The following ZYG11B variants were observed in gnomAD, a reference collection of about 807,000 sequenced individuals.
The protein encoded by ZYG11B is zyg-11 family member B, cell cycle regulator.
A neutral mutation model predicts 82.4 loss-of-function variants in ZYG11B; 36 were observed. The ratio of observed to expected loss-of-function variants is 0.44; its 90% confidence interval spans 0.33 to 0.58. The LOEUF (loss-of-function observed/expected upper bound fraction) is 0.58, where lower values mean the gene tolerates loss of function less well. Ranked by LOEUF, ZYG11B falls within the 20% of genes least tolerant of loss-of-function variation. The pLI is 0.02. For missense variants in ZYG11B, 552 were observed against 895.6 expected, an observed-to-expected ratio of 0.62 and a Z score of 4.90; for synonymous variants, 303 against 312.8, an observed-to-expected ratio of 0.97 and a Z score of 0.33.
At chr1:52,759,323 C>T (rs1447146981) in intron 2 of ZYG11B, among the ~76,000 whole-genome samples, 1 of 152,116 alleles carries the variant, frequency 6.6e-6, no homozygotes, top group Non-Finnish European at 1.5e-5. Flanking sequence ...ATTGGGTTAT[C>T]CTTTGGAAAT....
chr1:52,729,938 G>A (rs185280432), intron 1 of ZYG11B, among the ~76,000 whole-genome samples: 2 of 151,958 alleles, frequency 1.3e-5, no homozygotes, highest in Non-Finnish European at 2.9e-5. Flanking sequence ...CTCCCAAGTA[G>A]CTGGGACCAC....
chr1:52,775,467 G>A (rs1644796096), intron 3 of ZYG11B, among the ~76,000 whole-genome samples: 1 of 151,482 alleles, frequency 6.6e-6, no homozygotes, highest in Non-Finnish European at 1.5e-5. Context: ...AAGGCGGGCG[G>A]ATCACTTGAG....
intron 4 of ZYG11B, 49 bp from the exon 5 acceptor site, chr1:52,784,828 G>T: frequency 6.4e-7 from 1 of 1,564,434 alleles, no homozygotes. Context: ...TCTGTGAAGA[G>T]GGCTTGTATT....
intron 10 of ZYG11B, among the ~76,000 whole-genome samples, chr1:52,807,759 G>C (rs1366135743): frequency 1.3e-5 from 2 of 152,114 alleles, no homozygotes; most frequent in Non-Finnish European, 2.9e-5. Flanking sequence ...CCAAAGTGTT[G>C]GGATTATAGG....
chr1:52,803,547 GCTT>G (rs1215300950), intron 10 of ZYG11B, among the ~76,000 whole-genome samples: 1 of 151,214 alleles, frequency 6.6e-6, no homozygotes, highest in African/African-American at 2.4e-5. Flanking sequence ...ATACGCATAT[GCTT>G]CTTTATATTT....
At chr1:52,821,088 T>TA (rs753617042) in intron 13 of ZYG11B, among the ~76,000 whole-genome samples, 8,036 of 122,016 alleles carry the variant, frequency 0.066, 670 homozygotes, top group African/African-American at 0.21. Flanking sequence ...AGACTCTGTC[T>TA]AAAAAAAAAA....
chr1:52,739,067 C>T (rs1410403893), intron 1 of ZYG11B, among the ~76,000 whole-genome samples: 1 of 148,592 alleles, frequency 6.7e-6, no homozygotes, highest in East Asian at 2.1e-4. Flanking sequence ...CTGCCACCTC[C>T]ACCTCCGCCT....
chr1:52,814,619 G>C (rs1645208667), intron 12 of ZYG11B, among the ~76,000 whole-genome samples: 1 of 152,094 alleles, frequency 6.6e-6, no homozygotes, highest in South Asian at 2.1e-4. Context: ...AGGATCACTT[G>C]AGCCCAGGAG....
chr1:52,824,549 G>A lies in ZYG11B; in HGVS notation c.*2920G>A, dbSNP rs941523337. 2 of 151,704 alleles carry A rather than the reference G, an allele frequency of 1.3e-5. No individual in the cohort carries two copies. The highest frequency in any genetic ancestry group is 4.9e-5 in the African/African-American group (2 of 41,190). The allele number at this position is 151,704 out of a possible 1,614,324, so 9.4% of individuals were successfully genotyped here. On this transcript the variant is annotated 3_prime_UTR_variant, in exon 14 of 14. Coordinates refer to ENST00000294353, the MANE Select transcript of ZYG11B (RefSeq NM_024646.3). ...AGCTACTCAGGAGGCTGAGGCAGGA[G>A]AATCGCTTGAACCTGGGAGGTGGAG...
chr1:52,819,463 T>C (rs1380384938), intron 13 of ZYG11B, among the ~76,000 whole-genome samples: 2 of 152,032 alleles, frequency 1.3e-5, no homozygotes, highest in African/African-American at 4.8e-5. Context: ...CACAGCTCAG[T>C]AGGAGAAAAT....
intron 1 of ZYG11B, among the ~76,000 whole-genome samples, chr1:52,756,130 G>C (rs1203884332): frequency 1.3e-5 from 2 of 152,138 alleles, no homozygotes; most frequent in Non-Finnish European, 2.9e-5. Context: ...GCTTTAGTTG[G>C]TTACAAGCTT....
At chr1:52,794,141 A>T (rs776607663) in intron 6 of ZYG11B, among the ~76,000 whole-genome samples, 1 of 151,692 alleles carries the variant, frequency 6.6e-6, no homozygotes, top group East Asian at 1.9e-4. Context: ...CACCCAGCTA[A>T]TTTTTTGTAT....
At chr1:52,733,677 A>ATCAT (rs1287491333) in intron 1 of ZYG11B, among the ~76,000 whole-genome samples, 1 of 152,202 alleles carries the variant, frequency 6.6e-6, no homozygotes, top group Non-Finnish European at 1.5e-5. Flanking sequence ...CAATCAATCA[A>ATCAT]TCAGAGATAT....
At chr1:52,783,997 T>TAGAGAG (rs60838674) in intron 4 of ZYG11B, among the ~76,000 whole-genome samples, 52 of 142,424 alleles carry the variant, frequency 3.7e-4, no homozygotes, top group African/African-American at 1.4e-3. Flanking sequence ...TATATATATA[T>TAGAGAG]AGAGAGAGAG....
intron 6 of ZYG11B, among the ~76,000 whole-genome samples, chr1:52,793,924 TAG>T (rs1644984686): frequency 8.4e-6 from 1 of 119,298 alleles, no homozygotes; most frequent in East Asian, 3.1e-4. Flanking sequence ...TTTCCTTTCT[TAG>T]TTTTCTTTGT....
Position 52,756,446 on chromosome 1 carries a change from C to CT in ZYG11B, c.31-11dup. On this transcript the variant is annotated splice_polypyrimidine_tract_variant and intron_variant, in intron 1 of 13. Coordinates refer to ENST00000294353, the MANE Select transcript of ZYG11B (RefSeq NM_024646.3). ...TTTTGTGTTTCTTTTATATTTTTCC[C>CT]TGGGCTCCAAGGAGGAGGCGTCTCC... The CT allele has an allele frequency of 6.3e-7, 1 of 1,594,684 alleles. No homozygotes were observed. Among genetic ancestry groups the CT allele is most frequent in the Non-Finnish European group, 8.5e-7 (1 of 1,169,916 alleles).
chr1:52,782,200 G>A (rs1644862717), intron 4 of ZYG11B, among the ~76,000 whole-genome samples: 1 of 151,488 alleles, frequency 6.6e-6, no homozygotes, highest in African/African-American at 2.4e-5. Flanking sequence ...CTCCAGAGTG[G>A]CTGGAACTAC....
intron 6 of ZYG11B, among the ~76,000 whole-genome samples, chr1:52,790,502 G>A (rs921895227): frequency 3.9e-5 from 6 of 152,118 alleles, no homozygotes; most frequent in Admixed American, 6.5e-5. Context: ...AGGCCAAAGC[G>A]GGAGGATCCC....
chr1:52,803,652 A>T (rs1343882056), intron 10 of ZYG11B, among the ~76,000 whole-genome samples: 1 of 152,164 alleles, frequency 6.6e-6, no homozygotes, highest in Non-Finnish European at 1.5e-5. Context: ...CCCATTGTGC[A>T]GTGCAGTGGC....
Sources: gnomAD v4.1 joint callset for allele counts (sites outside exome capture counted in the v4.1 genomes callset) on GRCh38, gnomAD v4.1.1 for gene constraint, MANE v1.5 for transcripts, NCBI Gene and HGNC (gene_info 2026-07-23, HGNC 2026-07-21) for gene names.